TRAP1: variants seen among roughly 807,000 people sequenced by gnomAD.
The protein encoded by TRAP1 is heat shock protein 75 kDa, mitochondrial.
TRAP1 carries 102 observed loss-of-function variants against 89.1 expected under a neutral mutation model. That is an observed-to-expected ratio of 1.15 (90% CI 0.98 to 1.35). The LOEUF (loss-of-function observed/expected upper bound fraction) is 1.35. Among genes scored for constraint, TRAP1 ranks in the 40% most tolerant of loss-of-function variants. The probability of loss-of-function intolerance (pLI) is 0.00; values close to 1 mark genes in which losing one functional copy is unlikely to be tolerated. For synonymous variants in TRAP1, 508 were observed against 388.0 expected, an observed-to-expected ratio of 1.31 and a Z score of -3.64; for missense variants, 1,256 against 945.3, an observed-to-expected ratio of 1.33 and a Z score of -4.31.
chr16:3,670,382 CAAAAAAAAAAAAAA>C (rs760902038), intron 11 of TRAP1, among the ~76,000 whole-genome samples: 5 of 22,826 alleles, frequency 2.2e-4, no homozygotes, highest in South Asian at 3.2e-3. Context: ...GACTCCGTCT[CAAAAAAAAAAAAAA>C]AAAAAAAAAA....
intron 9 of TRAP1, among the ~76,000 whole-genome samples, chr16:3,673,380 C>T (rs1381485558): frequency 2.0e-5 from 3 of 152,208 alleles, no homozygotes; most frequent in African/African-American, 4.8e-5. Context: ...GGGCCCGAAA[C>T]GCTGGGACCA....
intron 9 of TRAP1, among the ~76,000 whole-genome samples, chr16:3,673,171 C>T (rs897533997): frequency 6.6e-6 from 1 of 152,226 alleles, no homozygotes; most frequent in South Asian, 2.1e-4. Flanking sequence ...CACTGCCTAC[C>T]TCTGTGTAGC....
In TRAP1 at chr16:3,662,092, A is replaced by C. The variant is rs1313900839; in HGVS notation, c.1835T>G (p.Val612Gly). The change falls in exon 16 of 18, where the codon GTG becomes GGG. Residue 612 changes from valine (V) to glycine (G), a missense_variant. Val to Gly is a moderately radical substitution (Grantham distance 109, BLOSUM62 -3). Transcript: ENST00000246957. ...GTGGCGGGCAGCCCCCATCTCCAGCACGGTGACCATGGCAGGGTGGGTGTC... is the reference window on the plus strand; with the variant it reads ...GTGGCGGGCAGCCCCCATCTCCAGCCCGGTGACCATGGCAGGGTGGGTGTC... ...RLDTHPAMVT[V>G]LEMGAARHFL... The C allele has an allele frequency of 1.9e-6, 3 of 1,613,306 alleles. No homozygotes were observed. Among genetic ancestry groups the C allele is most frequent in the Non-Finnish European group, 2.5e-6 (3 of 1,179,888 alleles).
chr16:3,658,817 G>C lies in TRAP1; in HGVS notation c.1989C>G (p.Gly663=). 4.3e-6 allele frequency: 7 copies of C among 1,613,714 alleles called. No individual in the cohort carries two copies. Among genetic ancestry groups the C allele is most frequent in the Non-Finnish European group, 5.9e-6 (7 of 1,179,908 alleles). ...CCTGATCCACCAGCAGCTGAGCCAG[G>C]CCAGGCTCGCTTGCGCGCAGCTGAT... ...KLNQLRASEP[G]LAQLLVDQIY... is the part of the protein sequence containing the mutation. Residue 663 remains glycine (G), a synonymous_variant, in exon 17 of 18, where the codon GGC becomes GGG. Transcript: ENST00000246957.
At chr16:3,706,698 C>T (rs1416575656) in intron 1 of TRAP1, among the ~76,000 whole-genome samples, 1 of 151,952 alleles carries the variant, frequency 6.6e-6, no homozygotes, top group African/African-American at 2.4e-5. Context: ...TGGCCTCAAG[C>T]AATCCTCCTG....
intron 2 of TRAP1, among the ~76,000 whole-genome samples, chr16:3,690,294 CTG>C (rs1430125076): frequency 6.6e-6 from 1 of 152,214 alleles, no homozygotes; most frequent in Non-Finnish European, 1.5e-5. Context: ...GTGTGAGCCA[CTG>C]TGCCTGGACT....
intron 1 of TRAP1, among the ~76,000 whole-genome samples, chr16:3,714,780 G>C (rs751683010): frequency 6.6e-6 from 1 of 152,192 alleles, no homozygotes; most frequent in Non-Finnish European, 1.5e-5. Flanking sequence ...TAGCATGGGC[G>C]AGAGGATTCC....
At chr16:3,705,718 T>G (rs1474451496) in intron 1 of TRAP1, among the ~76,000 whole-genome samples, 1 of 152,104 alleles carries the variant, frequency 6.6e-6, no homozygotes, top group Non-Finnish European at 1.5e-5. Context: ...TTCACTCTCG[T>G]TGCCAGGCTG....
At chr16:3,689,021 T>C (rs771034707) in intron 3 of TRAP1, 34 bp downstream of exon 3, 4 of 1,570,072 alleles carry the variant, frequency 2.5e-6, no homozygotes, top group Non-Finnish European at 8.7e-7. Context: ...AAAGAAACTT[T>C]GCTAGCATCG....
At position 3,699,954 on chromosome 16, in the gene TRAP1, G is replaced by T. The variant is rs930492258; in HGVS notation, c.89-8969C>A. Reference sequence around the variant, plus strand: ...CCTCCCAAAGCTGCTGGGATTACAGGTCTGAGCCACCACGCCCAGCCTGTG... The same window carrying T: ...CCTCCCAAAGCTGCTGGGATTACAGTTCTGAGCCACCACGCCCAGCCTGTG... On this transcript the variant is annotated intron_variant, in intron 1 of 17. Transcript: ENST00000246957. 1.6e-4 allele frequency among the ~76,000 whole-genome samples: 25 copies of T among 151,962 alleles called. No individual in the cohort carries two copies. The East Asian group carries it at 4.8e-3, about 29-fold the overall frequency.
chr16:3,698,178 G>C (rs970735946), intron 1 of TRAP1, among the ~76,000 whole-genome samples: 4 of 151,444 alleles, frequency 2.6e-5, no homozygotes, highest in African/African-American at 9.7e-5. Flanking sequence ...TCACAATTGG[G>C]AAAAAGAAAA....
At chr16:3,696,889 G>A (rs1245550001) in intron 1 of TRAP1, among the ~76,000 whole-genome samples, 1 of 151,750 alleles carries the variant, frequency 6.6e-6, no homozygotes, top group African/African-American at 2.4e-5. Context: ...ACCATACCCG[G>A]CTAATTTTTG....
At position 3,689,059 on chromosome 16, in the gene TRAP1, T is replaced by C; in HGVS notation, c.326A>G (p.Lys109Arg). 6.2e-7 allele frequency: 1 copy of C among 1,611,370 alleles called. No individual in the cohort carries two copies. Among genetic ancestry groups the C allele is most frequent in the Non-Finnish European group, 8.5e-7 (1 of 1,178,732 alleles). The stretch of plus-strand genomic sequence containing the variant: ...CATGGTTAGCAGGGAACGCACCTCT[T>C]TTTCTGAGTACAGGGACCGGGCAAC... ...DIVARSLYSE[K>R]EVFIRELISN... The change falls in exon 3 of 18, where the codon AAA (lysine) becomes AGA (arginine). Residue 109 changes from lysine (K) to arginine (R), a missense_variant. Physicochemically the swap from Lys to Arg is conservative, Grantham distance 26. Transcript: ENST00000246957.
intron 1 of TRAP1, among the ~76,000 whole-genome samples, chr16:3,702,363 G>C (rs1053082188): frequency 6.6e-6 from 1 of 151,832 alleles, no homozygotes; most frequent in Non-Finnish European, 1.5e-5. Flanking sequence ...TACAAGGTGA[G>C]AGCCAGAAGG....
Position 3,658,078 on chromosome 16 carries a change from AAGG to A in TRAP1, c.*48_*50del. 3 of 1,610,356 alleles carry A rather than the reference AAGG, an allele frequency of 1.9e-6. No homozygotes were observed. Among genetic ancestry groups the A allele is most frequent in the Non-Finnish European group, 2.5e-6 (3 of 1,177,310 alleles). On this transcript the variant is annotated 3_prime_UTR_variant, in exon 18 of 18. Coordinates refer to ENST00000246957, the MANE Select transcript of TRAP1 (RefSeq NM_016292.3). Reference sequence around the variant, plus strand: ...CTTTAAATTTAGGTAAATAAAGCTCAAGGAGGTGGGGCTGTCATCTGTGGTGTC... The same window carrying A: ...CTTTAAATTTAGGTAAATAAAGCTCAAGGTGGGGCTGTCATCTGTGGTGTC...
intron 13 of TRAP1, chr16:3,663,965 A>C (rs1022265995): frequency 5.7e-6 from 2 of 348,958 alleles, no homozygotes; most frequent in African/African-American, 4.2e-5. Context: ...CAGGAGGCTG[A>C]GGCAGGAGAA....
chr16:3,667,262 C>A (rs899290433), intron 11 of TRAP1, among the ~76,000 whole-genome samples: 2 of 152,010 alleles, frequency 1.3e-5, no homozygotes, highest in African/African-American at 4.8e-5. Flanking sequence ...CAGGGACACC[C>A]GCAGAAGAGG....
At chr16:3,666,189 A>G (rs936538542) in intron 11 of TRAP1, 71 bp from the exon 12 acceptor site, 19 of 1,528,822 alleles carry the variant, frequency 1.2e-5, no homozygotes, top group Admixed American at 2.1e-5. Context: ...AGGGTACGAA[A>G]AAATGTTCAG....
intron 1 of TRAP1, among the ~76,000 whole-genome samples, chr16:3,712,285 CAAAAAAAAAAAAAAAAAAA>C (rs764259574): frequency 1.6e-4 from 5 of 32,054 alleles, no homozygotes; most frequent in African/African-American, 4.7e-4. Context: ...GAATCTGTCT[CAAAAAAAAAAAAAAAAAAA>C]AAAAAAAAAA....
Sources: allele counts gnomAD v4.1 joint callset (sites outside exome capture counted in the v4.1 genomes callset), GRCh38; gene constraint gnomAD v4.1.1; transcripts MANE v1.5; gene names NCBI Gene and HGNC (gene_info 2026-07-23, HGNC 2026-07-21).